Variants in HECW2 observed in about 807,000 individuals in gnomAD.
The protein encoded by HECW2 is HECT, C2 and WW domain containing E3 ubiquitin protein ligase 2, also known as E3 ubiquitin-protein ligase HECW2.
A neutral mutation model predicts 175.2 loss-of-function variants in HECW2; 61 were observed. That is an observed-to-expected ratio of 0.35 (90% CI 0.28 to 0.43). The LOEUF is 0.43. Ranked by LOEUF, HECW2 falls within the 20% of genes least tolerant of loss-of-function variation. The pLI, the probability that HECW2 is intolerant of heterozygous loss-of-function variation, is 1.00. For synonymous variants in HECW2, 671 were observed against 731.0 expected, an observed-to-expected ratio of 0.92 and a Z score of 1.32; for missense variants, 1,524 against 2,000.5, an observed-to-expected ratio of 0.76 and a Z score of 4.54.
chr2:196,476,541 C>A (rs981988603), intron 1 of HECW2, among the ~76,000 whole-genome samples: 3 of 151,746 alleles, frequency 2.0e-5, no homozygotes, highest in Non-Finnish European at 2.9e-5. Context: ...CAGTGCCCAG[C>A]AGAAAGTTAT....
Position 196,222,305 on chromosome 2 carries a change from T to TGG in HECW2, c.4051_4052insCC (p.Glu1351AlafsTer11). On this transcript the variant is annotated frameshift_variant, in exon 24 of 29. Transcript: ENST00000644978. LOFTEE classifies it high-confidence loss of function. The stretch of plus-strand genomic sequence containing the variant: ...CCACTGCAGGCTCTGATGGAACTCT[T>TGG]CATCAAGGTATTCTAGGTCACTCAG... 1 of 1,613,078 alleles carries TGG rather than the reference T, an allele frequency of 6.2e-7. No individual in the cohort carries two copies. The highest frequency in any genetic ancestry group is 8.5e-7 in the Non-Finnish European group (1 of 1,179,126).
Position 196,271,195 on chromosome 2 carries a change from G to T in HECW2, c.3333C>A (p.Leu1111=). ...CCAAATACCAATATTATTGTTACCT[G>T]AGTGAGTGATTCCTGGTAAGATCAG... ...RQPDLTRNHS[L]REKIQFIRTE... The change falls in exon 17 of 29, where the codon CTC becomes CTA. Residue 1111 remains leucine (L), a splice_region_variant and synonymous_variant. Coordinates refer to ENST00000644978, the MANE Select transcript of HECW2 (RefSeq NM_001348768.2). 1 of 1,571,400 alleles carries T rather than the reference G, an allele frequency of 6.4e-7. No homozygotes were observed. Among genetic ancestry groups the T allele is most frequent in the Non-Finnish European group, 8.8e-7 (1 of 1,141,464 alleles).
chr2:196,317,588 T>C (rs754973383), intron 9 of HECW2, among the ~76,000 whole-genome samples: 1 of 152,088 alleles, frequency 6.6e-6, no homozygotes, highest in Non-Finnish European at 1.5e-5. Context: ...CCCCCGCTCC[T>C]GCAGCTTCCC....
At chr2:196,385,345 A>G (rs369209223) in intron 2 of HECW2, among the ~76,000 whole-genome samples, 2 of 152,318 alleles carry the variant, frequency 1.3e-5, no homozygotes, top group South Asian at 2.1e-4. Flanking sequence ...TTACTTAATG[A>G]AAAGTATTCA....
chr2:196,422,341 C>T (rs1396664487), intron 2 of HECW2, among the ~76,000 whole-genome samples: 1 of 152,116 alleles, frequency 6.6e-6, no homozygotes, highest in Non-Finnish European at 1.5e-5. Flanking sequence ...GCTACCAATG[C>T]TGAACAATGA....
chr2:196,544,857 A>T (rs1386510973), intron 1 of HECW2, among the ~76,000 whole-genome samples: 1 of 152,184 alleles, frequency 6.6e-6, no homozygotes, highest in Non-Finnish European at 1.5e-5. Flanking sequence ...CAAAGGAAAA[A>T]GGGCCCCGCA....
chr2:196,320,480 G>C (rs368784863), intron 7 of HECW2, 41 bp from the exon 8 acceptor site: 2 of 1,332,176 alleles, frequency 1.5e-6, no homozygotes, highest in Non-Finnish European at 1.1e-6. Context: ...GACTACGCTG[G>C]AGTCAGCCTT....
intron 28 of HECW2, among the ~76,000 whole-genome samples, chr2:196,202,968 A>T (rs1158084294): frequency 6.6e-6 from 1 of 152,184 alleles, no homozygotes; most frequent in African/African-American, 2.4e-5. Context: ...ATTTTATACC[A>T]TATTTACATA....
At chr2:196,558,458 C>T (rs13418532) in intron 1 of HECW2, among the ~76,000 whole-genome samples, 7,259 of 152,234 alleles carry the variant, frequency 0.048, 569 homozygotes, top group African/African-American at 0.16. Context: ...TTCCAGGATA[C>T]TATATGAGCA....
chr2:196,578,041 G>A (rs1690624821), intron 1 of HECW2, among the ~76,000 whole-genome samples: 1 of 151,962 alleles, frequency 6.6e-6, no homozygotes. Flanking sequence ...CCTAGGTGTT[G>A]GACATACCAG....
intron 1 of HECW2, among the ~76,000 whole-genome samples, chr2:196,585,806 G>A (rs1013419560): frequency 6.6e-6 from 1 of 152,108 alleles, no homozygotes; most frequent in African/African-American, 2.4e-5. Flanking sequence ...TTATGCCAAT[G>A]GCAATAAAGA....
intron 2 of HECW2, among the ~76,000 whole-genome samples, chr2:196,394,638 G>A (rs13391822): frequency 0.19 from 28,817 of 152,092 alleles, 3,820 homozygotes; most frequent in African/African-American, 0.37. Flanking sequence ...TTAATTAGTA[G>A]TGAAGTAAGA....
rs781322158 is a variant in HECW2, at chr2:196,391,312, G to A, written c.292+41820C>T. ...CCACTGTTACTGGCTGTGTTGTAAT[G>A]TATCACCCCTATGATCTCTCTATGC... On this transcript the variant is annotated intron_variant, in intron 2 of 28. Coordinates refer to ENST00000644978, the MANE Select transcript of HECW2 (RefSeq NM_001348768.2). Among the ~76,000 whole-genome samples the A allele has an allele frequency of 2.4e-4, 36 of 152,042 alleles. 1 individual carries two copies. Among genetic ancestry groups the A allele is most frequent in the Admixed American group, 1.6e-3 (24 of 15,248 alleles).
At chr2:196,502,140 A>G (rs766903375) in intron 1 of HECW2, among the ~76,000 whole-genome samples, 4 of 152,254 alleles carry the variant, frequency 2.6e-5, no homozygotes, top group Non-Finnish European at 4.4e-5. Flanking sequence ...AAATTGTCAA[A>G]AAATATAATA....
At chr2:196,321,547 G>A (rs1007823941) in intron 7 of HECW2, among the ~76,000 whole-genome samples, 1 of 151,794 alleles carries the variant, frequency 6.6e-6, no homozygotes. Flanking sequence ...ATAGGTGCCC[G>A]CCACCACACT....
chr2:196,454,253 T>C (rs1696435528), intron 1 of HECW2, among the ~76,000 whole-genome samples: 1 of 152,248 alleles, frequency 6.6e-6, no homozygotes, highest in East Asian at 1.9e-4. Flanking sequence ...GTTACTTTAA[T>C]GTATAGCCAC....
chr2:196,455,035 TA>T (rs1696463318), intron 1 of HECW2, among the ~76,000 whole-genome samples: 1 of 149,882 alleles, frequency 6.7e-6, no homozygotes, highest in South Asian at 2.1e-4. Context: ...CCCTTTTACT[TA>T]ATTTTTTTTT....
intron 1 of HECW2, among the ~76,000 whole-genome samples, chr2:196,566,846 G>A (rs1424661825): frequency 6.6e-6 from 1 of 151,232 alleles, no homozygotes; most frequent in East Asian, 1.9e-4. Context: ...CCCAATTTTC[G>A]AGACAACTCT....
chr2:196,318,572 T>A lies in HECW2; in HGVS notation c.2318A>T (p.Gln773Leu), dbSNP rs768083063. 5.9e-6 allele frequency: 9 copies of A among 1,525,770 alleles called. No homozygotes were observed. Among genetic ancestry groups the A allele is most frequent in the Non-Finnish European group, 7.0e-6 (8 of 1,136,886 alleles). The allele number at this position is 1,525,770 out of a possible 1,614,324, so 94.5% of individuals were successfully genotyped here. Reference protein sequence around the residue: ...AQGTCEGATAQEEGATGGSQA... With the variant: ...AQGTCEGATALEEGATGGSQA... ...CCTACCTCCAGTAGCGCCCTCCTCC[T>A]GGGCAGTTGCCCCTTCACAGGTGCC... is the stretch of plus-strand genomic sequence containing the variant. The change falls in exon 9 of 29, where the codon CAG becomes CTG. Residue 773 changes from glutamine to leucine, a missense_variant. Coordinates refer to ENST00000644978, the MANE Select transcript of HECW2 (RefSeq NM_001348768.2).
Sources: gnomAD v4.1 joint callset for allele counts (sites outside exome capture counted in the v4.1 genomes callset) on GRCh38, gnomAD v4.1.1 for gene constraint, MANE v1.5 for transcripts, NCBI Gene and HGNC (gene_info 2026-07-23, HGNC 2026-07-21) for gene names.